The following METTL8 variants were observed in gnomAD, a reference collection of about 807,000 sequenced individuals.
The protein encoded by METTL8 is tRNA N(3)-cytidine methyltransferase METTL8, mitochondrial.
In METTL8, 32 loss-of-function variants were observed where a neutral mutation model predicts 48.7. That is an observed-to-expected ratio of 0.66 (90% CI 0.50 to 0.88). The LOEUF is 0.88. METTL8 is among the 40% of genes least tolerant of loss of function. METTL8 has a pLI of 0.00. For synonymous variants in METTL8, 136 were observed against 157.1 expected (o/e 0.87, Z 1.01); for missense variants, 464 against 474.4 (o/e 0.98, Z 0.20).
intron 1 of METTL8, among the ~76,000 whole-genome samples, chr2:171,400,297 G>A (rs970365419): frequency 6.6e-6 from 1 of 151,942 alleles, no homozygotes; most frequent in Admixed American, 6.6e-5. Flanking sequence ...TTGCTTTTTT[G>A]AACAGCATTA....
intron 2 of METTL8, among the ~76,000 whole-genome samples, chr2:171,379,447 TAAAA>T (rs200665965): frequency 1.4e-5 from 2 of 146,180 alleles, no homozygotes; most frequent in African/African-American, 5.0e-5. Context: ...AAAAAACCCT[TAAAA>T]AAAAAAATCA....
intron 1 of METTL8, among the ~76,000 whole-genome samples, chr2:171,408,244 A>G (rs1690385725): frequency 6.6e-6 from 1 of 151,664 alleles, no homozygotes; most frequent in African/African-American, 2.4e-5. Context: ...ATTTCTCAGC[A>G]TTTAGAAATA....
intron 2 of METTL8, among the ~76,000 whole-genome samples, chr2:171,364,303 C>CT (rs1482147481): frequency 2.0e-5 from 3 of 152,026 alleles, no homozygotes; most frequent in African/African-American, 7.2e-5. Flanking sequence ...AACCTGTACT[C>CT]TATGTTTAAG....
chr2:171,430,370 C>CA (rs1288171655), intron 1 of METTL8, among the ~76,000 whole-genome samples: 103 of 142,490 alleles, frequency 7.2e-4, no homozygotes, highest in African/African-American at 1.7e-3. Flanking sequence ...AAACAAAAAA[C>CA]AAAAAAAAAA....
At chr2:171,343,899 A>G (rs1424239211) in intron 3 of METTL8, among the ~76,000 whole-genome samples, 1 of 152,198 alleles carries the variant, frequency 6.6e-6, no homozygotes, top group East Asian at 1.9e-4. Context: ...AATTTTTACA[A>G]TTTAAAGAGA....
chr2:171,370,160 G>A (rs1179352658), intron 2 of METTL8, among the ~76,000 whole-genome samples: 1 of 151,858 alleles, frequency 6.6e-6, no homozygotes, highest in Non-Finnish European at 1.5e-5. Flanking sequence ...AAAATAAACA[G>A]ACAACCAAAC....
chr2:171,373,590 C>T (rs997811518), intron 2 of METTL8, among the ~76,000 whole-genome samples: 1 of 152,180 alleles, frequency 6.6e-6, no homozygotes, highest in African/African-American at 2.4e-5. Context: ...CCTAGGTATT[C>T]TTCTAGAGTT....
intron 1 of METTL8, among the ~76,000 whole-genome samples, chr2:171,430,228 T>G (rs112497324): frequency 6.6e-6 from 1 of 151,590 alleles, no homozygotes; most frequent in East Asian, 2.0e-4. Context: ...GATGGTGGTG[T>G]GCGCCTGTAA....
rs960881485 is a variant in METTL8 at position 171,322,381 on chromosome 2, G to A, written c.*1791C>T. 1 of 152,172 alleles carries A rather than the reference G, an allele frequency of 6.6e-6. No individual in the cohort carries two copies. Among genetic ancestry groups the A allele is most frequent in the Admixed American group, 6.5e-5 (1 of 15,272 alleles). 9.4% of individuals were successfully genotyped at this position (152,172 alleles called of 1,614,324 possible). ...AAGGGTCTGGATCCAGACGCCAAGAGAGGATTCTTGGATCTTGTGCAAGAA... is the reference window on the plus strand; with the variant it reads ...AAGGGTCTGGATCCAGACGCCAAGAAAGGATTCTTGGATCTTGTGCAAGAA... On this transcript the variant is annotated 3_prime_UTR_variant, in exon 10 of 10. Transcript: ENST00000375258.
chr2:171,414,189 G>A lies in METTL8; in HGVS notation c.-13+19694C>T, dbSNP rs78168283. On this transcript the variant is annotated intron_variant, in intron 1 of 9. Transcript: ENST00000375258. ...TTCCAGCCCTTTGAGAGGCCAAGGT[G>A]GGCGGATCACCTGAGGCTGGGAGTT... is the stretch of plus-strand genomic sequence containing the variant. Among the ~76,000 whole-genome samples, 1,395 of 152,256 alleles carry A rather than the reference G, an allele frequency of 9.2e-3. 20 individuals carry two copies. Among genetic ancestry groups the A allele is most frequent in the African/African-American group, 0.032 (1,327 of 41,550 alleles).
At chr2:171,334,818 G>A (rs1254014828) in intron 5 of METTL8, among the ~76,000 whole-genome samples, 1 of 152,162 alleles carries the variant, frequency 6.6e-6, no homozygotes, top group African/African-American at 2.4e-5. Context: ...CAACTAGCAA[G>A]TGGGGGAATG....
intron 7 of METTL8, among the ~76,000 whole-genome samples, chr2:171,328,064 G>A (rs1475717418): frequency 6.6e-6 from 1 of 152,104 alleles, no homozygotes; most frequent in African/African-American, 2.4e-5. Flanking sequence ...TCTCATCTTG[G>A]TTCATAGTGC....
chr2:171,339,311 G>C lies in METTL8; in HGVS notation c.479C>G (p.Ser160Cys). The change falls in exon 4 of 10, where the codon TCT becomes TGT. Residue 160 changes from serine (S) to cysteine (C), a missense_variant. Physicochemically the swap from Ser to Cys is moderately radical, Grantham distance 112 (BLOSUM62 -1). Coordinates refer to ENST00000375258, the MANE Select transcript of METTL8 (RefSeq NM_001321154.2). Reference protein sequence around the residue: ...PDEKNHYEKSSGSSEGQSKTE... With the variant: ...PDEKNHYEKSCGSSEGQSKTE... ...TTTGCTTTGACCTTCTGAAGAACCA[G>C]AACTTTTCTCATAATGATTTTTTTC... The C allele has an allele frequency of 1.2e-6, 2 of 1,613,124 alleles. No individual in the cohort carries two copies. The highest frequency in any genetic ancestry group is 1.7e-6 in the Non-Finnish European group (2 of 1,179,420).
In METTL8 at chr2:171,317,274, C is replaced by G. The variant is rs934555041; in HGVS notation, c.*6898G>C. On this transcript the variant is annotated 3_prime_UTR_variant, in exon 10 of 10. Transcript: ENST00000375258. Reference sequence around the variant, plus strand: ...TAACTGAGGAAAAAATTAATTTCTGCGTTTTCTGCAATGAACTAGGAGCAA... The same window carrying G: ...TAACTGAGGAAAAAATTAATTTCTGGGTTTTCTGCAATGAACTAGGAGCAA... 6.6e-6 allele frequency: 1 copy of G among 152,104 alleles called. No homozygotes were observed. The highest frequency in any genetic ancestry group is 2.4e-5 in the African/African-American group (1 of 41,428). 9.4% of individuals were successfully genotyped at this position (152,104 alleles called of 1,614,324 possible).
At chr2:171,414,309 C>A (rs529406439) in intron 1 of METTL8, among the ~76,000 whole-genome samples, 1 of 151,672 alleles carries the variant, frequency 6.6e-6, no homozygotes, top group East Asian at 1.9e-4. Flanking sequence ...CCCAGCTACT[C>A]GAGAGGCTGA....
intron 1 of METTL8, among the ~76,000 whole-genome samples, chr2:171,406,397 G>A (rs1690181473): frequency 6.6e-6 from 1 of 152,156 alleles, no homozygotes; most frequent in Non-Finnish European, 1.5e-5. Flanking sequence ...AAATATCATA[G>A]ACTAGGTTGC....
chr2:171,327,409 G>A (rs758795087), intron 7 of METTL8, among the ~76,000 whole-genome samples: 2 of 152,202 alleles, frequency 1.3e-5, no homozygotes, highest in Non-Finnish European at 2.9e-5. Flanking sequence ...GTACAAAATC[G>A]ATTATCAATG....
chr2:171,408,385 C>T (rs1690411698), intron 1 of METTL8, among the ~76,000 whole-genome samples: 1 of 151,552 alleles, frequency 6.6e-6, no homozygotes, highest in South Asian at 2.1e-4. Flanking sequence ...ACCTCCGCCT[C>T]CCCAGTTCAA....
At chr2:171,346,210 G>C (rs1441409668) in intron 3 of METTL8, among the ~76,000 whole-genome samples, 1 of 152,052 alleles carries the variant, frequency 6.6e-6, no homozygotes, top group African/African-American at 2.4e-5. Context: ...TAAATTTTTT[G>C]TAGAGATGGG....
Sources: allele counts gnomAD v4.1 joint callset (sites outside exome capture counted in the v4.1 genomes callset), GRCh38; gene constraint gnomAD v4.1.1; transcripts MANE v1.5; gene names NCBI Gene and HGNC (gene_info 2026-07-23, HGNC 2026-07-21).